RHO: variants seen among roughly 807,000 people sequenced by gnomAD.
RHO encodes the protein opsin 2, rod pigment.
Under a neutral mutation model 31.2 loss-of-function variants are expected in RHO, and 21 were observed. The ratio of observed to expected loss-of-function variants is 0.67; its 90% CI spans 0.48 to 0.97. The LOEUF is 0.97. Among genes scored for constraint, RHO ranks in the 50% least tolerant of loss-of-function variants. RHO has a pLI of 0.00. For missense variants in RHO, 414 were observed against 479.5 expected, an observed-to-expected ratio of 0.86 and a Z score of 1.28; for synonymous variants, 211 against 196.6, an observed-to-expected ratio of 1.07 and a Z score of -0.61.
At chr3:129,530,747 C>T in intron 1 of RHO, 129 bp from the exon 2 acceptor site, 1 of 1,130,098 alleles carries the variant, frequency 8.8e-7, no homozygotes, top group Non-Finnish European at 1.3e-6. Flanking sequence ...CTCTCTCCTT[C>T]CCCAAGGCCT....
Position 129,535,261 on chromosome 3 carries a change from T to C in RHO, c.*1543T>C, listed in dbSNP as rs939372639. 8.5e-5 allele frequency: 13 copies of C among 152,748 alleles called. No homozygotes were observed. The highest frequency in any genetic ancestry group is 2.9e-4 in the African/African-American group (12 of 41,548). The allele number at this position is 152,748 out of a possible 1,614,324, so 9.5% of individuals were successfully genotyped here. A position where few individuals can be genotyped will look rare whatever the true frequency, so the allele number is the denominator to read the frequency against. ...GATCCCTGACCCTGGGATGGCTGGATTGAGCAATGAGCAGAGCCAAGCAGC... is the reference window on the plus strand; with the variant it reads ...GATCCCTGACCCTGGGATGGCTGGACTGAGCAATGAGCAGAGCCAAGCAGC... On this transcript the variant is annotated 3_prime_UTR_variant, in exon 5 of 5. Coordinates refer to ENST00000296271, the MANE Select transcript of RHO (RefSeq NM_000539.3).
At position 129,532,323 on chromosome 3, in the gene RHO, G is replaced by A. The variant is rs2108750347; in HGVS notation, c.603G>A (p.Glu201=). ...CGCTCAAGCCGGAGGTCAACAACGA[G>A]TCTTTTGTCATCTACATGTTCGTGG... The part of the protein sequence containing the change: ...YYTLKPEVNN[E]SFVIYMFVVH... Residue 201 remains glutamate (E), a synonymous_variant, in exon 3 of 5, where the codon GAG becomes GAA. Coordinates refer to ENST00000296271, the MANE Select transcript of RHO (RefSeq NM_000539.3). The surrounding 1 kb of genome is among the most constrained non-coding windows in gnomAD (Gnocchi z 5.5). 6.2e-7 allele frequency: 1 copy of A among 1,613,988 alleles called. No homozygotes were observed. The highest frequency in any genetic ancestry group is 8.5e-7 in the Non-Finnish European group (1 of 1,179,990).
In RHO at chr3:129,528,857, G is replaced by A. The variant is rs538820015; in HGVS notation, c.124G>A (p.Ala42Thr). Residue 42 changes from alanine to threonine, a missense_variant, in exon 1 of 5, where the codon GCC (alanine) becomes ACC (threonine). By Grantham distance (58) the Ala-to-Thr change is moderately conservative (BLOSUM62 0). Transcript: ENST00000296271. ...GCCATGGCAGTTCTCCATGCTGGCC[G>A]CCTACATGTTTCTGCTGATCGTGCT... is the stretch of plus-strand genomic sequence containing the variant. ...AEPWQFSMLA[A>T]YMFLLIVLGF... The A allele has an allele frequency of 1.4e-5, 23 of 1,614,224 alleles. No homozygotes were observed. Among genetic ancestry groups the A allele is most frequent in the South Asian group, 6.6e-5 (6 of 91,078 alleles).
In RHO at chr3:129,532,229, C is replaced by A. The variant is rs1259177526; in HGVS notation, c.531-22C>A. 5.6e-6 allele frequency: 9 copies of A among 1,608,846 alleles called. No individual in the cohort carries two copies. Among genetic ancestry groups the A allele is most frequent in the Non-Finnish European group, 7.7e-6 (9 of 1,175,386 alleles). The stretch of plus-strand genomic sequence containing the variant: ...TTCCCAAGTCCCTCACAGGCAGGGT[C>A]TCCCTACCTGCCTGTCCTCAGGTAC... On this transcript the variant is annotated intron_variant, in intron 2 of 4. Coordinates refer to ENST00000296271, the MANE Select transcript of RHO (RefSeq NM_000539.3). This position sits in a 1 kb window ranked among gnomAD's most constrained non-coding sequence, Gnocchi z 5.5.
chr3:129,530,532 C>CAA (rs766932095), intron 1 of RHO, among the ~76,000 whole-genome samples: 47 of 87,522 alleles, frequency 5.4e-4, no homozygotes, highest in Non-Finnish European at 6.9e-4. Context: ...CACACACACA[C>CAA]AACACACACA....
rs1268188022 is a variant in RHO at position 129,533,807 on chromosome 3, C to A, written c.*89C>A. 1.1e-6 allele frequency: 1 copy of A among 939,842 alleles called. No individual in the cohort carries two copies. Among genetic ancestry groups the A allele is most frequent in the Non-Finnish European group, 1.7e-6 (1 of 571,984 alleles). 58.2% of individuals were successfully genotyped at this position (939,842 alleles called of 1,614,324 possible). On this transcript the variant is annotated 3_prime_UTR_variant, in exon 5 of 5. Transcript: ENST00000296271. ...ACAGCCATCCCACCAGGAGCAGCGC[C>A]TGTGCAGAATGAACGAAGTCACATA...
chr3:129,532,835 A>G lies in RHO; in HGVS notation c.936+63A>G. The G allele has an allele frequency of 6.2e-7, 1 of 1,607,014 alleles. No individual in the cohort carries two copies. Among genetic ancestry groups the G allele is most frequent in the Non-Finnish European group, 8.5e-7 (1 of 1,178,302 alleles). The stretch of plus-strand genomic sequence containing the variant: ...CCACAGGCGCTGCCTGCCAAGGACA[A>G]GCTACTTCCCAGGGCAGGGGAGGGG... On this transcript the variant is annotated intron_variant, in intron 4 of 4. Coordinates refer to ENST00000296271, the MANE Select transcript of RHO (RefSeq NM_000539.3). The surrounding 1 kb of genome is among the most constrained non-coding windows in gnomAD (Gnocchi z 5.5).
Position 129,532,437 on chromosome 3 carries a change from G to A in RHO, c.696+21G>A, listed in dbSNP as rs768030547. The A allele has an allele frequency of 8.7e-6, 14 of 1,613,720 alleles. No homozygotes were observed. Among genetic ancestry groups the A allele is most frequent in the East Asian group, 2.2e-5 (1 of 44,856 alleles). ...AGGAGGTACGGGCCGGGGGGTGGGC[G>A]GCCTCACGGCTCTGAGGGTCCAGCC... On this transcript the variant is annotated intron_variant, in intron 3 of 4. Coordinates refer to ENST00000296271, the MANE Select transcript of RHO (RefSeq NM_000539.3). The surrounding 1 kb of genome is among the most constrained non-coding windows in gnomAD (Gnocchi z 5.5).
Position 129,528,966 on chromosome 3 carries a change from A to G in RHO, c.233A>G (p.Asn78Ser). 1.9e-6 allele frequency: 3 copies of G among 1,614,108 alleles called. No individual in the cohort carries two copies. The highest frequency in any genetic ancestry group is 1.1e-5 in the South Asian group (1 of 91,078). Reference sequence around the variant, plus strand: ...ACGCCTCTCAACTACATCCTGCTCAACCTAGCCGTGGCTGACCTCTTCATG... The same window carrying G: ...ACGCCTCTCAACTACATCCTGCTCAGCCTAGCCGTGGCTGACCTCTTCATG... ...LRTPLNYILL[N>S]LAVADLFMVL... The change falls in exon 1 of 5, where the codon AAC becomes AGC. Residue 78 changes from asparagine (N) to serine (S), a missense_variant. By Grantham distance (46) the Asn-to-Ser change is conservative (BLOSUM62 1). Transcript: ENST00000296271.
Position 129,530,973 on chromosome 3 carries a change from C to G in RHO, c.459C>G (p.Ala153=), listed in dbSNP as rs1302502291. ...MSNFRFGENH[A]IMGVAFTWVM... ...ACTTCCGCTTCGGGGAGAACCATGCCATCATGGGCGTTGCCTTCACCTGGG... is the reference window on the plus strand; with the variant it reads ...ACTTCCGCTTCGGGGAGAACCATGCGATCATGGGCGTTGCCTTCACCTGGG... Residue 153 remains alanine (A), a synonymous_variant, in exon 2 of 5, where the codon GCC becomes GCG. Coordinates refer to ENST00000296271, the MANE Select transcript of RHO (RefSeq NM_000539.3). 6.2e-7 allele frequency: 1 copy of G among 1,614,272 alleles called. No individual in the cohort carries two copies.
chr3:129,532,426 G>T lies in RHO; in HGVS notation c.696+10G>T, dbSNP rs372570611. 6.2e-7 allele frequency: 1 copy of T among 1,613,618 alleles called. No individual in the cohort carries two copies. Among genetic ancestry groups the T allele is most frequent in the Non-Finnish European group, 8.5e-7 (1 of 1,179,844 alleles). On this transcript the variant is annotated intron_variant, in intron 3 of 4. Coordinates refer to ENST00000296271, the MANE Select transcript of RHO (RefSeq NM_000539.3). The surrounding 1 kb of genome is among the most constrained non-coding windows in gnomAD (Gnocchi z 5.5). ...CTTCACCGTCAAGGAGGTACGGGCC[G>T]GGGGGTGGGCGGCCTCACGGCTCTG...
Position 129,528,936 on chromosome 3 carries a change from T to G in RHO, c.203T>G (p.Leu68Arg), listed in dbSNP as rs137883686. 143 of 1,614,122 alleles carry G rather than the reference T, an allele frequency of 8.9e-5. No individual in the cohort carries two copies. Among genetic ancestry groups the G allele is most frequent in the Non-Finnish European group, 1.1e-4 (131 of 1,180,046 alleles). ...TACGTCACCGTCCAGCACAAGAAGC[T>G]GCGCACGCCTCTCAACTACATCCTG... is the stretch of plus-strand genomic sequence containing the variant. ...TLYVTVQHKKLRTPLNYILLN... is the reference protein window; with the variant it reads ...TLYVTVQHKKRRTPLNYILLN... The change falls in exon 1 of 5, where the codon CTG becomes CGG. Residue 68 changes from leucine (L) to arginine (R), a missense_variant. Physicochemically the swap from Leu to Arg is moderately radical, Grantham distance 102. Coordinates refer to ENST00000296271, the MANE Select transcript of RHO (RefSeq NM_000539.3).
Position 129,528,967 on chromosome 3 carries a change from C to T in RHO, c.234C>T (p.Asn78=). 6.2e-7 allele frequency: 1 copy of T among 1,614,228 alleles called. No homozygotes were observed. Among genetic ancestry groups the T allele is most frequent in the South Asian group, 1.1e-5 (1 of 91,092 alleles). The part of the protein sequence containing the change: ...LRTPLNYILL[N]LAVADLFMVL... The stretch of plus-strand genomic sequence containing the variant: ...CGCCTCTCAACTACATCCTGCTCAA[C>T]CTAGCCGTGGCTGACCTCTTCATGG... Residue 78 remains asparagine, a synonymous_variant, in exon 1 of 5, where the codon AAC becomes AAT. Transcript: ENST00000296271.
Position 129,533,969 on chromosome 3 carries a change from C to T in RHO, c.*251C>T. ...TTCCCCAAGGCCAGCGGGATGTGTGCCCCTCCTCCTCCCAACTCATCTTTC... is the reference window on the plus strand; with the variant it reads ...TTCCCCAAGGCCAGCGGGATGTGTGTCCCTCCTCCTCCCAACTCATCTTTC... On this transcript the variant is annotated 3_prime_UTR_variant, in exon 5 of 5. Transcript: ENST00000296271. The T allele has an allele frequency of 2.1e-6, 1 of 472,970 alleles. No homozygotes were observed. Among genetic ancestry groups the T allele is most frequent in the Non-Finnish European group, 3.8e-6 (1 of 260,236 alleles). The allele number at this position is 472,970 out of a possible 1,614,324, so 29.3% of individuals were successfully genotyped here.
chr3:129,529,469 T>C (rs895163307), intron 1 of RHO, among the ~76,000 whole-genome samples: 4 of 152,220 alleles, frequency 2.6e-5, no homozygotes, highest in African/African-American at 9.6e-5. Flanking sequence ...ACCAAGCCTC[T>C]GTTTCCCTTG....
chr3:129,532,783 C>A lies in RHO; in HGVS notation c.936+11C>A, dbSNP rs762711356. ...ATGATGAACAAGCAGGTGCCTACTG[C>A]GGGTGGGAGGGCCCCAGTGCCCCAG... is the stretch of plus-strand genomic sequence containing the variant. On this transcript the variant is annotated intron_variant, in intron 4 of 4. Transcript: ENST00000296271. This position sits in a 1 kb window ranked among gnomAD's most constrained non-coding sequence, Gnocchi z 5.5. 4 of 1,613,684 alleles carry A rather than the reference C, an allele frequency of 2.5e-6. No individual in the cohort carries two copies. The highest frequency in any genetic ancestry group is 2.7e-5 in the African/African-American group (2 of 74,940).
In RHO at chr3:129,534,131, G is replaced by T; in HGVS notation, c.*413G>T. The stretch of plus-strand genomic sequence containing the variant: ...AGGAATGGAGGAATGAATGGGAAGG[G>T]AGAACATATCTATCCTCTCAGACCC... On this transcript the variant is annotated 3_prime_UTR_variant, in exon 5 of 5. Transcript: ENST00000296271. 1 of 190,954 alleles carries T rather than the reference G, an allele frequency of 5.2e-6. No individual in the cohort carries two copies. The highest frequency in any genetic ancestry group is 2.3e-5 in the African/African-American group (1 of 42,644). 11.8% of individuals were successfully genotyped at this position (190,954 alleles called of 1,614,324 possible).
At chr3:129,530,082 T>G (rs2855552) in intron 1 of RHO, among the ~76,000 whole-genome samples, 6,833 of 152,282 alleles carry the variant, frequency 0.045, 437 homozygotes, top group East Asian at 0.23. Flanking sequence ...TCAGGGAATC[T>G]CTGGCCATTG....
chr3:129,532,125 C>A lies in RHO; in HGVS notation c.531-126C>A. On this transcript the variant is annotated intron_variant, in intron 2 of 4. Coordinates refer to ENST00000296271, the MANE Select transcript of RHO (RefSeq NM_000539.3). This position sits in a 1 kb window ranked among gnomAD's most constrained non-coding sequence, Gnocchi z 5.5. Reference sequence around the variant, plus strand: ...CATTCCATCCTGTCACCCAGCCATGCAGACGTTTATGATCCCCTTTTCCAG... The same window carrying A: ...CATTCCATCCTGTCACCCAGCCATGAAGACGTTTATGATCCCCTTTTCCAG... The A allele has an allele frequency of 1.4e-6, 1 of 727,292 alleles. No individual in the cohort carries two copies. Among genetic ancestry groups the A allele is most frequent in the Admixed American group, 2.1e-5 (1 of 47,410 alleles). The allele number at this position is 727,292 out of a possible 1,614,324, so 45.1% of individuals were successfully genotyped here. A position where few individuals can be genotyped will look rare whatever the true frequency, so the allele number is the denominator to read the frequency against.
Sources: gnomAD v4.1 joint callset for allele counts (sites outside exome capture counted in the v4.1 genomes callset) on GRCh38, gnomAD v4.1.1 for gene constraint, Gnocchi (gnomAD v3.1) non-coding constraint, MANE v1.5 for transcripts, NCBI Gene and HGNC (gene_info 2026-07-23, HGNC 2026-07-21) for gene names.